The following LRP1B variants were observed in gnomAD, a reference collection of about 807,000 sequenced individuals.
LRP1B encodes the protein low-density lipoprotein receptor-related protein 1B.
LRP1B carries 217 observed loss-of-function variants against 556.6 expected under a neutral mutation model. The ratio of observed to expected loss-of-function variants is 0.39; its 90% confidence interval spans 0.35 to 0.44. LRP1B has a LOEUF of 0.44. LRP1B is among the 20% of genes least tolerant of loss of function. LRP1B has a pLI of 1.00. For missense variants in LRP1B, 5,053 were observed against 5,620.8 expected (o/e 0.90, Z 3.23); for synonymous variants, 2,047 against 1,865.8 (o/e 1.10, Z -2.50).
chr2:140,653,531 TG>T (rs1684762789), intron 41 of LRP1B, among the ~76,000 whole-genome samples: 1 of 151,986 alleles, frequency 6.6e-6, no homozygotes, highest in South Asian at 2.1e-4. Flanking sequence ...AGAATGACTA[TG>T]GAATTAAATA....
intron 1 of LRP1B, among the ~76,000 whole-genome samples, chr2:141,927,200 CT>C (rs58355767): frequency 0.053 from 8,006 of 152,040 alleles, 699 homozygotes; most frequent in African/African-American, 0.18. Context: ...ACCCATTCCC[CT>C]AATAGATTAC....
At chr2:140,654,695 C>T (rs540181614) in intron 41 of LRP1B, among the ~76,000 whole-genome samples, 3 of 152,160 alleles carry the variant, frequency 2.0e-5, no homozygotes, top group African/African-American at 7.2e-5. Context: ...ATTTCCCAGG[C>T]TTATTTCATT....
At chr2:140,869,339 G>A (rs2105159120) in intron 25 of LRP1B, among the ~76,000 whole-genome samples, 1 of 152,170 alleles carries the variant, frequency 6.6e-6, no homozygotes, top group African/African-American at 2.4e-5. Context: ...GAGCTGTAAT[G>A]CTCCTGCTTG....
At chr2:142,012,590 C>T (rs990855831) in intron 1 of LRP1B, among the ~76,000 whole-genome samples, 2 of 152,030 alleles carry the variant, frequency 1.3e-5, no homozygotes, top group Non-Finnish European at 2.9e-5. Flanking sequence ...CCCAAGACAC[C>T]AAGCAGCATG....
intron 84 of LRP1B, among the ~76,000 whole-genome samples, chr2:140,297,409 G>A (rs1203053848): frequency 1.3e-5 from 2 of 152,058 alleles, no homozygotes; most frequent in African/African-American, 2.4e-5. Context: ...TGAAATTAGT[G>A]ATAGAACTGA....
At chr2:141,750,323 T>C in intron 2 of LRP1B, among the ~76,000 whole-genome samples, 1 of 152,126 alleles carries the variant, frequency 6.6e-6, no homozygotes, top group Non-Finnish European at 1.5e-5. Context: ...GAAAGATGCT[T>C]TTGATTAAAA....
intron 14 of LRP1B, among the ~76,000 whole-genome samples, chr2:141,010,951 GGTGT>G (rs71995663): frequency 0.34 from 49,047 of 144,454 alleles, 8,317 homozygotes; most frequent in East Asian, 0.58. Context: ...CTTGTCAGAT[GGTGT>G]GTGTGTGTGT....
chr2:141,610,421 T>C (rs2105321352), intron 2 of LRP1B, among the ~76,000 whole-genome samples: 1 of 149,024 alleles, frequency 6.7e-6, no homozygotes, highest in East Asian at 2.0e-4. Flanking sequence ...CAGAATACCA[T>C]GCTTTTCTAA....
At chr2:140,266,503 T>G (rs917144127) in intron 86 of LRP1B, among the ~76,000 whole-genome samples, 3 of 152,022 alleles carry the variant, frequency 2.0e-5, no homozygotes, top group African/African-American at 7.2e-5. Flanking sequence ...CCTCTTTCTA[T>G]AAACCCACTC....
intron 5 of LRP1B, among the ~76,000 whole-genome samples, chr2:141,235,484 G>T (rs1683616971): frequency 2.0e-5 from 3 of 152,136 alleles, no homozygotes; most frequent in African/African-American, 7.2e-5. Context: ...TTTCCTGATG[G>T]TGTTGGTATT....
At chr2:141,378,191 C>T (rs954768687) in intron 3 of LRP1B, among the ~76,000 whole-genome samples, 3 of 152,168 alleles carry the variant, frequency 2.0e-5, no homozygotes, top group African/African-American at 7.2e-5. Flanking sequence ...AATATATCCA[C>T]ATTTCAAAGA....
rs114467335 is a variant in LRP1B, at chr2:141,142,359, C to A, written c.1013+46062G>T. On this transcript the variant is annotated intron_variant, in intron 7 of 90. Transcript: ENST00000389484. ...CGGCTTCAGTTTTAGTTCTTGAGCC[C>A]CTATAGCCACTTACAGACAAAAACT... Among the ~76,000 whole-genome samples the A allele has an allele frequency of 5.3e-5, 8 of 152,176 alleles. No individual in the cohort carries two copies. The South Asian group carries it at 1.7e-3, about 32-fold the overall frequency.
At position 140,923,144 on chromosome 2, in the gene LRP1B, A is replaced by G; in HGVS notation, c.3140T>C (p.Ile1047Thr). 2 of 1,611,150 alleles carry G rather than the reference A, an allele frequency of 1.2e-6. No individual in the cohort carries two copies. Among genetic ancestry groups the G allele is most frequent in the Non-Finnish European group, 8.5e-7 (1 of 1,178,278 alleles). ...EAQINCTKEE[I>T]HSPAGCNGNE... ...TCCGTTACAACCAGCAGGAGAATGA[A>G]TCTCTTAATTTGAAATGAGGAAGAG... Residue 1047 changes from isoleucine (I) to threonine (T), a missense_variant, in exon 21 of 91, where the codon ATT becomes ACT. Physicochemically the swap from Ile to Thr is moderately conservative, Grantham distance 89. Around this residue, in one of 5 missense-constraint regions of LRP1B, gnomAD observed 3,619 missense variants for 3,931.9 expected, o/e 0.92. Coordinates refer to ENST00000389484, the MANE Select transcript of LRP1B (RefSeq NM_018557.3).
chr2:140,722,814 C>A (rs1350081935), intron 35 of LRP1B, among the ~76,000 whole-genome samples: 3 of 152,144 alleles, frequency 2.0e-5, no homozygotes, highest in Admixed American at 6.5e-5. Flanking sequence ...GAGGCCGAGG[C>A]AGGAGGATCA....
chr2:140,733,647 C>T (rs1321525288), intron 35 of LRP1B, among the ~76,000 whole-genome samples: 1 of 152,058 alleles, frequency 6.6e-6, no homozygotes, highest in African/African-American at 2.4e-5. Context: ...TTATATAAAA[C>T]TGTAGAATAG....
At chr2:141,815,288 G>A (rs541069893) in intron 1 of LRP1B, among the ~76,000 whole-genome samples, 2 of 152,332 alleles carry the variant, frequency 1.3e-5, no homozygotes, top group South Asian at 4.1e-4. Flanking sequence ...TTTTCTCAAG[G>A]AACTGAGAAG....
At chr2:140,651,708 A>G (rs895109669) in intron 41 of LRP1B, among the ~76,000 whole-genome samples, 1 of 152,094 alleles carries the variant, frequency 6.6e-6, no homozygotes, top group Non-Finnish European at 1.5e-5. Context: ...GACCTAGAAT[A>G]GTTGCAGTAG....
intron 23 of LRP1B, among the ~76,000 whole-genome samples, chr2:140,897,976 C>A (rs1469527754): frequency 6.6e-6 from 1 of 152,096 alleles, no homozygotes; most frequent in Non-Finnish European, 1.5e-5. Context: ...CCTATTAGTT[C>A]TGTCCTTTTA....
At chr2:140,470,461 C>T (rs1298738414) in intron 60 of LRP1B, among the ~76,000 whole-genome samples, 2 of 151,596 alleles carry the variant, frequency 1.3e-5, no homozygotes, top group African/African-American at 4.8e-5. Context: ...CTGGCTAACA[C>T]GGTGAAACCC....
Sources: allele counts gnomAD v4.1 joint callset (sites outside exome capture counted in the v4.1 genomes callset), GRCh38; gene constraint gnomAD v4.1.1; regional missense constraint gnomAD v4.1.1; transcripts MANE v1.5; gene names NCBI Gene and HGNC (gene_info 2026-07-23, HGNC 2026-07-21).